The following MAN1C1 variants were observed in gnomAD, a reference collection of about 807,000 sequenced individuals.
The protein encoded by MAN1C1 is mannosyl-oligosaccharide 1,2-alpha-mannosidase IC.
A neutral mutation model predicts 71.5 loss-of-function variants in MAN1C1; 49 were observed. That is an observed-to-expected ratio of 0.69 (90% CI 0.54 to 0.87). The LOEUF is 0.87. Among genes scored for constraint, MAN1C1 ranks in the 40% least tolerant of loss-of-function variants. The pLI is 0.00. For synonymous variants in MAN1C1, 352 were observed against 343.7 expected (o/e 1.02, Z -0.27); for missense variants, 743 against 835.0 (o/e 0.89, Z 1.36).
Position 25,617,524 on chromosome 1 carries a change from G to A in MAN1C1, c.-274G>A. ...TCGGCCGGAGGGGAGGCTGCGGCGC[G>A]CGGCCGGTCGCTGCGGGCCCGGGCC... On this transcript the variant is annotated 5_prime_UTR_variant, in exon 1 of 12. Coordinates refer to ENST00000374332, the MANE Select transcript of MAN1C1 (RefSeq NM_020379.4). This position sits in a 1 kb window ranked among gnomAD's most constrained non-coding sequence, Gnocchi z 5.1. The A allele has an allele frequency of 6.8e-6, 1 of 146,832 alleles. No individual in the cohort carries two copies. Among genetic ancestry groups the A allele is most frequent in the Non-Finnish European group, 1.5e-5 (1 of 66,170 alleles). 9.1% of individuals were successfully genotyped at this position (146,832 alleles called of 1,614,324 possible).
chr1:25,691,468 C>T (rs547980761), intron 2 of MAN1C1, among the ~76,000 whole-genome samples: 10 of 152,168 alleles, frequency 6.6e-5, no homozygotes, highest in Non-Finnish European at 1.5e-4. Context: ...ATAATGGTAC[C>T]GCCTTCACAA....
At chr1:25,623,344 G>A (rs1278719654) in intron 1 of MAN1C1, among the ~76,000 whole-genome samples, 1 of 152,088 alleles carries the variant, frequency 6.6e-6, no homozygotes, top group Non-Finnish European at 1.5e-5. Context: ...AGGAGCAATT[G>A]CTTCTTAGGC....
intron 1 of MAN1C1, among the ~76,000 whole-genome samples, chr1:25,650,697 G>A (rs1053141685): frequency 6.6e-6 from 1 of 152,178 alleles, no homozygotes; most frequent in Non-Finnish European, 1.5e-5. Flanking sequence ...TCTTTCTGCT[G>A]TTTTAGACAC....
chr1:25,739,721 G>A (rs1009084816), intron 2 of MAN1C1, among the ~76,000 whole-genome samples: 5 of 152,140 alleles, frequency 3.3e-5, no homozygotes, highest in Admixed American at 2.6e-4. Flanking sequence ...CTTTGTGCAG[G>A]GCGAGGCTTT....
At chr1:25,668,847 C>T (rs1011134808) in intron 1 of MAN1C1, among the ~76,000 whole-genome samples, 2 of 152,076 alleles carry the variant, frequency 1.3e-5, no homozygotes, top group African/African-American at 2.4e-5. Context: ...CGTGAGCCAC[C>T]GCACCCTGCC....
chr1:25,624,897 A>G (rs78238956), intron 1 of MAN1C1, among the ~76,000 whole-genome samples: 2,568 of 151,816 alleles, frequency 0.017, 72 homozygotes, highest in African/African-American at 0.056. Flanking sequence ...TTGCTTCCCA[A>G]TGTTTGTTCT....
chr1:25,664,723 A>G (rs746547269), intron 1 of MAN1C1, among the ~76,000 whole-genome samples: 1 of 152,218 alleles, frequency 6.6e-6, no homozygotes, highest in Non-Finnish European at 1.5e-5. Context: ...GAAGCATCTG[A>G]TAGATGGAGC....
chr1:25,690,130 G>C (rs2046287849), intron 2 of MAN1C1, among the ~76,000 whole-genome samples: 1 of 152,086 alleles, frequency 6.6e-6, no homozygotes, highest in South Asian at 2.1e-4. Flanking sequence ...GCCAGTTTCT[G>C]TGTCCTAAGC....
intron 10 of MAN1C1, 57 bp downstream of exon 10, chr1:25,781,169 G>C: frequency 6.3e-7 from 1 of 1,586,200 alleles, no homozygotes; most frequent in Non-Finnish European, 8.6e-7. Flanking sequence ...GAATTTACAG[G>C]CTGGGTGCTA....
At chr1:25,763,399 A>G (rs1019812237) in intron 6 of MAN1C1, among the ~76,000 whole-genome samples, 4 of 149,856 alleles carry the variant, frequency 2.7e-5, no homozygotes, top group African/African-American at 4.9e-5. Flanking sequence ...TGAGGCACGA[A>G]CATTGCTTGA....
chr1:25,780,124 C>A lies in MAN1C1; in HGVS notation c.1478-816C>A, dbSNP rs138484169. On this transcript the variant is annotated intron_variant, in intron 9 of 11. Transcript: ENST00000374332. ...ACTTAGCCTCTCTGATCCTCAGTTTCCACATGCGTGAGAGGGATAGTAGCA... is the reference window on the plus strand; with the variant it reads ...ACTTAGCCTCTCTGATCCTCAGTTTACACATGCGTGAGAGGGATAGTAGCA... Among the ~76,000 whole-genome samples, 154 of 152,280 alleles carry A rather than the reference C, an allele frequency of 1.0e-3. 2 individuals are homozygous for A. In the East Asian group the frequency reaches 0.029, roughly 28 times the overall value.
chr1:25,667,213 G>T (rs902226111), intron 1 of MAN1C1, among the ~76,000 whole-genome samples: 1 of 152,154 alleles, frequency 6.6e-6, no homozygotes. Context: ...GCTGGGAGTG[G>T]TGGCTCACAC....
intron 8 of MAN1C1, among the ~76,000 whole-genome samples, chr1:25,774,383 G>C (rs577734415): frequency 6.6e-6 from 1 of 152,224 alleles, no homozygotes; most frequent in Admixed American, 6.5e-5. Context: ...CGAAACTGAG[G>C]GTCAGAAAGG....
At chr1:25,635,131 C>T (rs72662642) in intron 1 of MAN1C1, among the ~76,000 whole-genome samples, 10 of 152,144 alleles carry the variant, frequency 6.6e-5, no homozygotes, top group Non-Finnish European at 1.2e-4. Flanking sequence ...TCCAGAGTAA[C>T]GAGGACTACA....
chr1:25,731,471 A>G (rs2046909437), intron 2 of MAN1C1, among the ~76,000 whole-genome samples: 1 of 152,242 alleles, frequency 6.6e-6, no homozygotes. Flanking sequence ...TCAGTCGTCT[A>G]CATTATCTGC....
At chr1:25,644,048 G>A (rs939690303) in intron 1 of MAN1C1, among the ~76,000 whole-genome samples, 1 of 152,162 alleles carries the variant, frequency 6.6e-6, no homozygotes, top group Non-Finnish European at 1.5e-5. Context: ...CTTACTGTGT[G>A]CCAGGCAATG....
rs1370870373 is a variant in MAN1C1 at position 25,764,632 on chromosome 1, G to A, written c.1141+665G>A. 6.6e-6 allele frequency among the ~76,000 whole-genome samples: 1 copy of A among 151,778 alleles called. No individual in the cohort carries two copies. Among genetic ancestry groups the A allele is most frequent in the Admixed American group, 6.6e-5 (1 of 15,226 alleles). On this transcript the variant is annotated intron_variant, in intron 7 of 11. Transcript: ENST00000374332. The surrounding 1 kb of genome is among the most constrained non-coding windows in gnomAD (Gnocchi z 4.4). ...GTTTAGTAGAGATGTTGGCCAAGCTGGTCTCGAACTCCTGACCTCAAATGA... is the reference window on the plus strand; with the variant it reads ...GTTTAGTAGAGATGTTGGCCAAGCTAGTCTCGAACTCCTGACCTCAAATGA...
At chr1:25,638,143 A>C (rs570186945) in intron 1 of MAN1C1, among the ~76,000 whole-genome samples, 17 of 152,074 alleles carry the variant, frequency 1.1e-4, no homozygotes, top group Admixed American at 9.8e-4. Flanking sequence ...GAATTAATCA[A>C]GTATTTCAGA....
At position 25,740,627 on chromosome 1, in the gene MAN1C1, G is replaced by A. The variant is rs141068624; in HGVS notation, c.638-6041G>A. 9.7e-3 allele frequency among the ~76,000 whole-genome samples: 1,481 copies of A among 152,132 alleles called. 20 individuals carry two copies. The highest frequency in any genetic ancestry group is 0.032 in the African/African-American group (1,339 of 41,492). On this transcript the variant is annotated intron_variant, in intron 2 of 11. Transcript: ENST00000374332. Reference sequence around the variant, plus strand: ...AATTTTTTGTATTTTTAGTAGAGACGGGGTTTCACTGTGTTAGCCAGGATG... The same window carrying A: ...AATTTTTTGTATTTTTAGTAGAGACAGGGTTTCACTGTGTTAGCCAGGATG...
Sources: gnomAD v4.1 joint callset for allele counts (sites outside exome capture counted in the v4.1 genomes callset) on GRCh38, gnomAD v4.1.1 for gene constraint, Gnocchi (gnomAD v3.1) non-coding constraint, MANE v1.5 for transcripts, NCBI Gene and HGNC (gene_info 2026-07-23, HGNC 2026-07-21) for gene names.